Variants in SLIT2 observed in about 807,000 individuals in gnomAD.
The protein encoded by SLIT2 is slit guidance ligand 2, also known as slit homolog 2 protein.
In SLIT2, 41 loss-of-function variants were observed where a neutral mutation model predicts 185.7. The observed-to-expected ratio is 0.22, with a 90% CI of 0.17 to 0.29. The LOEUF is 0.29. SLIT2 is among the 10% of genes least tolerant of loss of function. The pLI is 1.00. For missense variants in SLIT2, 1,571 were observed against 1,909.0 expected (o/e 0.82, Z 3.30); for synonymous variants, 693 against 680.2 (o/e 1.02, Z -0.29).
At chr4:20,547,882 A>C (rs1352767825) in intron 22 of SLIT2, among the ~76,000 whole-genome samples, 1 of 152,060 alleles carries the variant, frequency 6.6e-6, no homozygotes, top group Non-Finnish European at 1.5e-5. Flanking sequence ...CTTAACATTC[A>C]TTAAACAAAT....
At chr4:20,451,676 A>T (rs921128857) in intron 4 of SLIT2, among the ~76,000 whole-genome samples, 2 of 152,190 alleles carry the variant, frequency 1.3e-5, no homozygotes, top group Non-Finnish European at 2.9e-5. Context: ...GAATTTTTGC[A>T]TATATCATTT....
At chr4:20,581,174 G>A (rs190619735) in intron 29 of SLIT2, among the ~76,000 whole-genome samples, 21 of 152,128 alleles carry the variant, frequency 1.4e-4, no homozygotes, top group Admixed American at 1.4e-3. Context: ...CAAGGATTGT[G>A]AGGGAAATGT....
At chr4:20,511,490 C>T (rs551510195) in intron 11 of SLIT2, among the ~76,000 whole-genome samples, 21 of 141,826 alleles carry the variant, frequency 1.5e-4, no homozygotes, top group East Asian at 6.2e-4. Context: ...GGCGCCATCT[C>T]GGCTCACTGC....
chr4:20,340,750 G>A (rs1335877557), intron 4 of SLIT2, among the ~76,000 whole-genome samples: 3 of 152,142 alleles, frequency 2.0e-5, no homozygotes, highest in East Asian at 1.9e-4. Context: ...ACAGGTGCCC[G>A]CCACTAGACC....
intron 8 of SLIT2, chr4:20,490,878 A>G (rs1717725085): frequency 3.9e-6 from 5 of 1,279,918 alleles, no homozygotes; most frequent in Non-Finnish European, 4.4e-6. Flanking sequence ...GTTTAGAGGG[A>G]TAGAATTAGC....
intron 4 of SLIT2, among the ~76,000 whole-genome samples, chr4:20,346,737 G>GCCTGAGAGCC (rs1721443207): frequency 1.3e-5 from 2 of 152,302 alleles, no homozygotes; most frequent in African/African-American, 4.8e-5. Flanking sequence ...GTGGCCAAAG[G>GCCTGAGAGCC]CCTGAGAGCC....
At position 20,567,599 on chromosome 4, in the gene SLIT2, G is replaced by A; in HGVS notation, c.2932G>A (p.Glu978Lys). 1 of 1,612,392 alleles carries A rather than the reference G, an allele frequency of 6.2e-7. No individual in the cohort carries two copies. Among genetic ancestry groups the A allele is most frequent in the Non-Finnish European group, 8.5e-7 (1 of 1,178,616 alleles). Reference protein sequence around the residue: ...HGGTCHLKEGEEDGFWCICAD... With the variant: ...HGGTCHLKEGKEDGFWCICAD... Reference sequence around the variant, plus strand: ...AGGAACTTGCCACTTAAAGGAAGGAGAAGAAGATGGATTCTGGTAGGTCAT... The same window carrying A: ...AGGAACTTGCCACTTAAAGGAAGGAAAAGAAGATGGATTCTGGTAGGTCAT... Residue 978 changes from glutamate (E) to lysine (K), a missense_variant, in exon 28 of 37, where the codon GAA becomes AAA. Physicochemically the swap from Glu to Lys is moderately conservative, Grantham distance 56 (BLOSUM62 1). Coordinates refer to ENST00000504154, the MANE Select transcript of SLIT2 (RefSeq NM_004787.4).
intron 4 of SLIT2, among the ~76,000 whole-genome samples, chr4:20,441,961 A>C (rs1056771165): frequency 6.6e-6 from 1 of 152,216 alleles, no homozygotes; most frequent in African/African-American, 2.4e-5. Flanking sequence ...TAATTTTAAT[A>C]AAACAAGAAT....
intron 16 of SLIT2, among the ~76,000 whole-genome samples, chr4:20,530,874 C>T (rs1026436241): frequency 2.6e-5 from 4 of 151,146 alleles, no homozygotes; most frequent in African/African-American, 7.3e-5. Flanking sequence ...GTCCAATAAA[C>T]ACATGAAAAA....
intron 26 of SLIT2, among the ~76,000 whole-genome samples, chr4:20,556,553 G>T (rs1215654313): frequency 2.6e-5 from 4 of 151,950 alleles, no homozygotes; most frequent in Non-Finnish European, 5.9e-5. Flanking sequence ...AAATGCTCTT[G>T]GAAGTCCAAG....
At chr4:20,542,466 G>T (rs1481464357) in intron 20 of SLIT2, 28 bp from the exon 21 acceptor site, 2 of 1,611,252 alleles carry the variant, frequency 1.2e-6, no homozygotes, top group Admixed American at 1.7e-5. Context: ...ACAAATCTTG[G>T]TTTTCCTGTA....
intron 26 of SLIT2, among the ~76,000 whole-genome samples, chr4:20,564,334 C>A (rs1724923766): frequency 6.6e-6 from 1 of 150,876 alleles, no homozygotes; most frequent in East Asian, 1.9e-4. Context: ...AGAGATTAGA[C>A]TATAGAAACA....
intron 4 of SLIT2, among the ~76,000 whole-genome samples, chr4:20,285,466 G>A (rs6824589): frequency 0.27 from 41,161 of 152,056 alleles, 6,664 homozygotes; most frequent in East Asian, 0.73. Flanking sequence ...AGAAAACTGA[G>A]ATAAGCACAC....
At chr4:20,404,897 A>G (rs1171393018) in intron 4 of SLIT2, among the ~76,000 whole-genome samples, 1 of 152,008 alleles carries the variant, frequency 6.6e-6, no homozygotes, top group Non-Finnish European at 1.5e-5. Flanking sequence ...TAGCATTTAA[A>G]GGGTCTACCA....
At chr4:20,511,934 A>G (rs1350545729) in intron 11 of SLIT2, among the ~76,000 whole-genome samples, 2 of 152,006 alleles carry the variant, frequency 1.3e-5, no homozygotes, top group African/African-American at 4.8e-5. Flanking sequence ...CAAAGAACAA[A>G]GATTTTAAAA....
At chr4:20,473,362 C>T (rs1715769137) in intron 5 of SLIT2, among the ~76,000 whole-genome samples, 1 of 151,806 alleles carries the variant, frequency 6.6e-6, no homozygotes, top group South Asian at 2.1e-4. Context: ...ACTTTTTAGA[C>T]AAGGCTTTAA....
At chr4:20,342,366 A>T (rs750267705) in intron 4 of SLIT2, among the ~76,000 whole-genome samples, 52 of 152,174 alleles carry the variant, frequency 3.4e-4, no homozygotes, top group Non-Finnish European at 6.9e-4. Context: ...TGGAAAAATG[A>T]ATTATAGTGT....
At chr4:20,604,781 T>C (rs1334430146) in intron 33 of SLIT2, among the ~76,000 whole-genome samples, 1 of 151,926 alleles carries the variant, frequency 6.6e-6, no homozygotes, top group Non-Finnish European at 1.5e-5. Context: ...AGATGACCAG[T>C]TGAGTTTGGG....
chr4:20,471,459 A>G (rs908123395), intron 5 of SLIT2, among the ~76,000 whole-genome samples: 1 of 152,162 alleles, frequency 6.6e-6, no homozygotes, highest in Non-Finnish European at 1.5e-5. Flanking sequence ...ACTTCATCCC[A>G]TGTGTCATGC....
Sources: gnomAD v4.1 joint callset for allele counts (sites outside exome capture counted in the v4.1 genomes callset) on GRCh38, gnomAD v4.1.1 for gene constraint, MANE v1.5 for transcripts, NCBI Gene and HGNC (gene_info 2026-07-23, HGNC 2026-07-21) for gene names.